The following FSCN2 variants were observed in gnomAD, a reference collection of about 807,000 sequenced individuals.
FSCN2 encodes the protein fascin actin-bundling protein 2, retinal.
In FSCN2, 46 loss-of-function variants were observed where a neutral mutation model predicts 37.8. That is an observed-to-expected ratio of 1.22 (90% confidence interval 0.96 to 1.56). The LOEUF (loss-of-function observed/expected upper bound fraction) is 1.56, where lower values mean the gene tolerates loss of function less well. Ranked by LOEUF, FSCN2 falls within the 40% of genes most tolerant of loss-of-function variation. The pLI is 0.00. For synonymous variants in FSCN2, 351 were observed against 309.4 expected (o/e 1.13, Z -1.41); for missense variants, 844 against 730.4 (o/e 1.16, Z -1.79).
In FSCN2 at chr17:81,536,870, C is replaced by T. The variant is rs746096845; in HGVS notation, c.1274-5C>T. On this transcript the variant is annotated splice_polypyrimidine_tract_variant and splice_region_variant and intron_variant, in intron 4 of 4. Coordinates refer to ENST00000417245, the MANE Select transcript of FSCN2 (RefSeq NM_012418.4). ...CACCCCCGCCGACGCCGTCCCGTCC[C>T]CCAGGCCGCGACGGAGGGTTCTGGT... The T allele has an allele frequency of 2.6e-6, 4 of 1,567,122 alleles. No individual in the cohort carries two copies. Among genetic ancestry groups the T allele is most frequent in the Non-Finnish European group, 2.6e-6 (3 of 1,156,112 alleles).
intron 1 of FSCN2, among the ~76,000 whole-genome samples, chr17:81,531,726 G>GTGGTGGTGA (rs1555671370): frequency 9.2e-6 from 1 of 109,202 alleles, no homozygotes; most frequent in Non-Finnish European, 1.8e-5. Flanking sequence ...GGTGGTGATG[G>GTGGTGGTGA]TGATGGTGAT....
chr17:81,532,066 T>A (rs1267672951), intron 1 of FSCN2, among the ~76,000 whole-genome samples: 1 of 105,458 alleles, frequency 9.5e-6, no homozygotes, highest in African/African-American at 3.6e-5. Flanking sequence ...ATGGTGATGA[T>A]AGTGATGGTG....
In FSCN2 at chr17:81,531,444, A is replaced by ATGGTGGTGGTGATGGTGATGATGG. The variant is rs1568077399; in HGVS notation, c.826+2114_826+2137dup. 5.4e-5 allele frequency among the ~76,000 whole-genome samples: 3 copies of ATGGTGGTGGTGATGGTGATGATGG among 55,816 alleles called. No individual in the cohort carries two copies. The South Asian group carries it at 2.1e-3, about 39-fold the overall frequency. 36.6% of individuals were successfully genotyped at this position (55,816 alleles called of 152,430 possible). On this transcript the variant is annotated intron_variant, in intron 1 of 4. Transcript: ENST00000417245. The stretch of plus-strand genomic sequence containing the variant: ...GATAGTGATGATGGAGATGGTGGTG[A>ATGGTGGTGGTGATGGTGATGATGG]TGGTGGTGGTGATGGTGATGATGGT...
chr17:81,526,887 A>G (rs541702198), upstream of FSCN2, among the ~76,000 whole-genome samples: 6 of 152,214 alleles, frequency 3.9e-5, no homozygotes, highest in Non-Finnish European at 8.8e-5. Flanking sequence ...TGAATCATAG[A>G]GGCGGATGAG....
chr17:81,526,353 C>T (rs370629396), upstream of FSCN2, among the ~76,000 whole-genome samples: 5 of 152,210 alleles, frequency 3.3e-5, no homozygotes, highest in East Asian at 1.9e-4. Context: ...AACGGGAGGC[C>T]GGGCGCAGTG....
At chr17:81,530,504 CCA>C (rs1242378576) in intron 1 of FSCN2, 2 of 453,208 alleles carry the variant, frequency 4.4e-6, no homozygotes, top group Non-Finnish European at 8.6e-6. Flanking sequence ...TCCATGCACC[CCA>C]GAGTGGCTCG....
At chr17:81,518,429 A>G in the FSCN2 span, among the ~76,000 whole-genome samples, 1 of 151,938 alleles carries the variant, frequency 6.6e-6, no homozygotes, top group Non-Finnish European at 1.5e-5. Flanking sequence ...CTCGTGCAGG[A>G]AGCCCAAGTA....
chr17:81,519,466 G>A, the FSCN2 span, among the ~76,000 whole-genome samples: 4 of 152,168 alleles, frequency 2.6e-5, no homozygotes, highest in Non-Finnish European at 4.4e-5. Flanking sequence ...CCCGTGGAGT[G>A]GGTCCCGCGA....
the FSCN2 span, among the ~76,000 whole-genome samples, chr17:81,519,483 C>T: frequency 6.6e-6 from 1 of 152,140 alleles, no homozygotes; most frequent in Non-Finnish European, 1.5e-5. Flanking sequence ...GCGAGAAGGC[C>T]GGGAATGGCG....
At chr17:81,530,395 G>T (rs144546943) in intron 1 of FSCN2, among the ~76,000 whole-genome samples, 1 of 152,186 alleles carries the variant, frequency 6.6e-6, no homozygotes, top group South Asian at 2.1e-4. Flanking sequence ...TCCCTCCACC[G>T]CCTATGGGGT....
upstream of FSCN2, among the ~76,000 whole-genome samples, chr17:81,524,188 C>T (rs1156772855): frequency 2.0e-5 from 3 of 152,230 alleles, no homozygotes; most frequent in African/African-American, 7.2e-5. Context: ...GCTTCCTGGT[C>T]CTGCCCAGCT....
upstream of FSCN2, among the ~76,000 whole-genome samples, chr17:81,525,154 G>A (rs765062071): frequency 2.6e-5 from 4 of 151,908 alleles, no homozygotes; most frequent in Admixed American, 6.6e-5. Flanking sequence ...GGCCAGGCAC[G>A]GTGGCTCACG....
At chr17:81,524,283 C>T (rs2032284453), upstream of FSCN2, among the ~76,000 whole-genome samples, 1 of 152,090 alleles carries the variant, frequency 6.6e-6, no homozygotes, top group Admixed American at 6.6e-5. Flanking sequence ...ATTCCTTGCC[C>T]TCTGGGCTCA....
At chr17:81,520,111 TC>T in the FSCN2 span, among the ~76,000 whole-genome samples, 2 of 152,144 alleles carry the variant, frequency 1.3e-5, no homozygotes, top group Non-Finnish European at 2.9e-5. Flanking sequence ...CAGACCTGTG[TC>T]CCAAGGGGCC....
rs368990075 is a variant in FSCN2, at chr17:81,536,910, G to A, written c.1309G>A (p.Gly437Ser). Residue 437 changes from glycine (G) to serine (S), a missense_variant, in exon 5 of 5, where the codon GGC (glycine) becomes AGC (serine). Transcript: ENST00000417245. ...AGGGTTCTGGTACACGGGCAGCCACGGCAGCGTGTGCAGCGACGGCGAACG... is the reference window on the plus strand; with the variant it reads ...AGGGTTCTGGTACACGGGCAGCCACAGCAGCGTGTGCAGCGACGGCGAACG... ...DGGFWYTGSH[G>S]SVCSDGERAE... The A allele has an allele frequency of 3.8e-6, 6 of 1,576,570 alleles. No homozygotes were observed. The highest frequency in any genetic ancestry group is 2.4e-5 in the East Asian group (1 of 41,902).
Position 81,529,550 on chromosome 17 carries a change from G to A in FSCN2, c.826+193G>A, listed in dbSNP as rs373665094. On this transcript the variant is annotated intron_variant, in intron 1 of 4. Coordinates refer to ENST00000417245, the MANE Select transcript of FSCN2 (RefSeq NM_012418.4). ...GGTGGGCCTCGGGCCATGCCCAGGC[G>A]ACCCCCACTGAGGGGTGGTGGCTTC... The A allele has an allele frequency of 2.2e-4, 170 of 760,218 alleles. 1 individual carries two copies. The highest frequency in any genetic ancestry group is 3.9e-4 in the South Asian group (28 of 72,586). The allele number at this position is 760,218 out of a possible 1,614,324, so 47.1% of individuals were successfully genotyped here. A position where few individuals can be genotyped will look rare whatever the true frequency, so the allele number is the denominator to read the frequency against.
chr17:81,518,403 A>C, the FSCN2 span, among the ~76,000 whole-genome samples: 8 of 88,572 alleles, frequency 9.0e-5, no homozygotes, highest in Non-Finnish European at 1.6e-4. Context: ...CTGGCATAGC[A>C]CCTGCCCAGC....
the FSCN2 span, among the ~76,000 whole-genome samples, chr17:81,518,385 CCCTGTACCTGGCATAGCA>C: frequency 8.1e-6 from 1 of 123,792 alleles, no homozygotes; most frequent in Non-Finnish European, 1.8e-5. Flanking sequence ...CTGGCATAGC[CCCTGTACCTGGCATAGCA>C]CCTGCCCAGC....
intron 1 of FSCN2, among the ~76,000 whole-genome samples, chr17:81,532,248 GTGATGA>G (rs548692502): frequency 1.3e-4 from 17 of 134,566 alleles, no homozygotes; most frequent in Admixed American, 4.5e-4. Context: ...GATGGTGATG[GTGATGA>G]TGATGATGAT....
Sources: allele counts gnomAD v4.1 joint callset (sites outside exome capture counted in the v4.1 genomes callset), GRCh38; gene constraint gnomAD v4.1.1; transcripts MANE v1.5; gene names NCBI Gene and HGNC (gene_info 2026-07-23, HGNC 2026-07-21).